The following IL5RA variants were observed in gnomAD, a reference collection of about 807,000 sequenced individuals.
IL5RA encodes the protein interleukin 5 receptor subunit alpha, also known as interleukin-5 receptor subunit alpha.
Under a neutral mutation model 50.0 loss-of-function variants are expected in IL5RA, and 49 were observed. The ratio of observed to expected loss-of-function variants is 0.98; its 90% CI spans 0.78 to 1.24. The LOEUF (loss-of-function observed/expected upper bound fraction) is 1.24. Among genes scored for constraint, IL5RA ranks in the 50% most tolerant of loss-of-function variants. The pLI is 0.00. For synonymous variants in IL5RA, 202 were observed against 174.0 expected (o/e 1.16, Z -1.26); for missense variants, 600 against 500.4 (o/e 1.20, Z -1.90).
In IL5RA at chr3:3,067,939, A is replaced by G. The variant is rs1293410486; in HGVS notation, c.*2286T>C. The G allele has an allele frequency of 2.0e-5, 3 of 152,332 alleles. No individual in the cohort carries two copies. The highest frequency in any genetic ancestry group is 2.4e-5 in the African/African-American group (1 of 41,564). 9.4% of individuals were successfully genotyped at this position (152,332 alleles called of 1,614,324 possible). A position where few individuals can be genotyped will look rare whatever the true frequency, so the allele number is the denominator to read the frequency against. On this transcript the variant is annotated 3_prime_UTR_variant, in exon 12 of 12. Transcript: ENST00000446632. ...CTCCTAAGCAGAGGCAGTTTCCACA[A>G]TGCCAACTGTCTGGGTTGTGGTTTG...
intron 9 of IL5RA, among the ~76,000 whole-genome samples, chr3:3,091,622 C>T (rs917158526): frequency 6.6e-6 from 1 of 152,126 alleles, no homozygotes; most frequent in African/African-American, 2.4e-5. Flanking sequence ...GTCCCAGCTA[C>T]ACGGGAGGCT....
intron 9 of IL5RA, among the ~76,000 whole-genome samples, chr3:3,084,940 A>C (rs1390010418): frequency 1.3e-5 from 2 of 152,254 alleles, no homozygotes; most frequent in Non-Finnish European, 2.9e-5. Flanking sequence ...ATGTATGCCT[A>C]GAAGGGTGAT....
At position 3,092,489 on chromosome 3, in the gene IL5RA, G is replaced by A. The variant is rs1019389884; in HGVS notation, c.856-127C>T. 6 of 846,820 alleles carry A rather than the reference G, an allele frequency of 7.1e-6. No homozygotes were observed. Among genetic ancestry groups the A allele is most frequent in the African/African-American group, 1.7e-5 (1 of 59,208 alleles). 52.5% of individuals were successfully genotyped at this position (846,820 alleles called of 1,614,324 possible). A position where few individuals can be genotyped will look rare whatever the true frequency, so the allele number is the denominator to read the frequency against. Reference sequence around the variant, plus strand: ...TCAGCAAGTCCTTTAAAATCAACAGGGCACACATTAATTCGTTTATGCTAG... The same window carrying A: ...TCAGCAAGTCCTTTAAAATCAACAGAGCACACATTAATTCGTTTATGCTAG... On this transcript the variant is annotated intron_variant, in intron 8 of 11. Transcript: ENST00000446632. The surrounding 1 kb of genome is among the most constrained non-coding windows in gnomAD (Gnocchi z 4.2).
At chr3:3,091,932 A>C (rs1703129405) in intron 9 of IL5RA, 7 of 1,058,528 alleles carry the variant, frequency 6.6e-6, no homozygotes, top group Non-Finnish European at 8.1e-6. Flanking sequence ...TAATTATTTC[A>C]AAATAAAAAG....
intron 8 of IL5RA, among the ~76,000 whole-genome samples, chr3:3,093,779 C>A (rs1281570249): frequency 6.6e-6 from 1 of 152,232 alleles, no homozygotes; most frequent in Non-Finnish European, 1.5e-5. Flanking sequence ...AAGATTGGGT[C>A]ACTCCATGGC....
At chr3:3,077,008 C>T (rs1484042863) in intron 9 of IL5RA, among the ~76,000 whole-genome samples, 1 of 152,032 alleles carries the variant, frequency 6.6e-6, no homozygotes, top group African/African-American at 2.4e-5. Context: ...AAAAGATAAG[C>T]CTATTGAGTA....
chr3:3,081,707 G>A (rs998993488), intron 9 of IL5RA, among the ~76,000 whole-genome samples: 2 of 152,144 alleles, frequency 1.3e-5, no homozygotes, highest in African/African-American at 2.4e-5. Flanking sequence ...TTTGATAAGC[G>A]AAGATTCTCA....
In IL5RA at chr3:3,097,926, G is replaced by A; in HGVS notation, c.653C>T (p.Ser218Phe). The change falls in exon 7 of 12, where the codon TCC becomes TTC. Residue 218 changes from serine (S) to phenylalanine (F), a missense_variant. Physicochemically the swap from Ser to Phe is radical, Grantham distance 155. Coordinates refer to ENST00000446632, the MANE Select transcript of IL5RA (RefSeq NM_175726.4). The part of the protein sequence containing the change: ...RDWLAVLVNG[S>F]SKHSAIRPFD... ...GGGCCTGATAGCAGAGTGCTTGCTG[G>A]AGCCGTTAACAAGCACCGCAAGCCA... The A allele has an allele frequency of 1.2e-6, 2 of 1,614,186 alleles. No individual in the cohort carries two copies. The highest frequency in any genetic ancestry group is 1.7e-6 in the Non-Finnish European group (2 of 1,180,034).
chr3:3,097,988 C>G lies in IL5RA; in HGVS notation c.591G>C (p.Trp197Cys), dbSNP rs1703443406. ...KDTLGRNIAC[W>C]FPRTFILSKG... ...TGCTGAGGATAAAAGTCCTGGGAAA[C>G]CAGCATGCGATATTTCTCCCCAGTG... is the stretch of plus-strand genomic sequence containing the variant. Residue 197 changes from tryptophan (W) to cysteine (C), a missense_variant, in exon 7 of 12, where the codon TGG becomes TGC. By Grantham distance (215) the Trp-to-Cys change is radical. Transcript: ENST00000446632. 1.2e-6 allele frequency: 2 copies of G among 1,614,046 alleles called. No homozygotes were observed. The highest frequency in any genetic ancestry group is 1.7e-6 in the Non-Finnish European group (2 of 1,180,034).
intron 9 of IL5RA, among the ~76,000 whole-genome samples, chr3:3,080,051 G>C (rs577307644): frequency 7.3e-5 from 11 of 150,958 alleles, no homozygotes; most frequent in South Asian, 6.3e-4. Flanking sequence ...GAAAAGAAAA[G>C]AAAACAAAAG....
chr3:3,076,967 C>A (rs779009775), intron 9 of IL5RA, among the ~76,000 whole-genome samples: 4 of 152,070 alleles, frequency 2.6e-5, no homozygotes, highest in African/African-American at 9.7e-5. Flanking sequence ...GTTTTTGGTA[C>A]GTAGTAAGGT....
rs1207929447 is a variant in IL5RA at position 3,108,530 on chromosome 3, A to C, written c.-4+20T>G. The C allele has an allele frequency of 1.3e-5, 2 of 152,238 alleles. No individual in the cohort carries two copies. The highest frequency in any genetic ancestry group is 2.9e-5 in the Non-Finnish European group (2 of 68,050). 9.4% of individuals were successfully genotyped at this position (152,238 alleles called of 1,614,324 possible). A position where few individuals can be genotyped will look rare whatever the true frequency, so the allele number is the denominator to read the frequency against. ...CACATGGTGCAATTTGTCATCTCAC[A>C]TCCATGCTCCTGGGCGTACCTGTCT... On this transcript the variant is annotated intron_variant, in intron 2 of 11. Coordinates refer to ENST00000446632, the MANE Select transcript of IL5RA (RefSeq NM_175726.4).
Position 3,110,190 on chromosome 3 carries a change from A to C in IL5RA, c.-391T>G, listed in dbSNP as rs1704116827. On this transcript the variant is annotated 5_prime_UTR_variant, in exon 1 of 12. Coordinates refer to ENST00000446632, the MANE Select transcript of IL5RA (RefSeq NM_175726.4). ...CTGAACTGGAACTCCCAACAACCAAACTGCTGTCAAACGAAAGAATCTCTC... is the reference window on the plus strand; with the variant it reads ...CTGAACTGGAACTCCCAACAACCAACCTGCTGTCAAACGAAAGAATCTCTC... The C allele has an allele frequency of 6.6e-6, 1 of 152,166 alleles. No individual in the cohort carries two copies. The highest frequency in any genetic ancestry group is 2.4e-5 in the African/African-American group (1 of 41,444). 9.4% of individuals were successfully genotyped at this position (152,166 alleles called of 1,614,324 possible).
chr3:3,090,964 T>C (rs971765169), intron 9 of IL5RA, among the ~76,000 whole-genome samples: 1 of 152,206 alleles, frequency 6.6e-6, no homozygotes. Context: ...ACTGGAAATG[T>C]GCCCCTTCAT....
intron 9 of IL5RA, among the ~76,000 whole-genome samples, chr3:3,082,387 C>T (rs947844215): frequency 1.3e-5 from 2 of 152,182 alleles, no homozygotes; most frequent in Non-Finnish European, 2.9e-5. Flanking sequence ...TGGGCACTGC[C>T]ATTTGGTTAT....
intron 7 of IL5RA, among the ~76,000 whole-genome samples, chr3:3,096,045 G>A (rs544304832): frequency 1.3e-5 from 2 of 152,148 alleles, no homozygotes; most frequent in Non-Finnish European, 2.9e-5. Context: ...TTGGGAGGCC[G>A]AGGCGGGTGG....
intron 7 of IL5RA, among the ~76,000 whole-genome samples, chr3:3,096,629 C>G (rs1703380050): frequency 6.6e-6 from 1 of 152,132 alleles, no homozygotes; most frequent in African/African-American, 2.4e-5. Flanking sequence ...TGTACTAGAT[C>G]ATATCCATTT....
chr3:3,105,857 AG>A (rs1179292723), intron 2 of IL5RA, among the ~76,000 whole-genome samples: 1 of 152,166 alleles, frequency 6.6e-6, no homozygotes, highest in East Asian at 1.9e-4. Context: ...GTAGATGAGA[AG>A]TCTTGAGTTT....
chr3:3,106,306 A>G (rs1703919077), intron 2 of IL5RA, among the ~76,000 whole-genome samples: 1 of 152,170 alleles, frequency 6.6e-6, no homozygotes, highest in South Asian at 2.1e-4. Context: ...GGCTAAATGA[A>G]TACCTCCAGG....
Sources: allele counts gnomAD v4.1 joint callset (sites outside exome capture counted in the v4.1 genomes callset), GRCh38; gene constraint gnomAD v4.1.1; non-coding constraint Gnocchi (gnomAD v3.1); transcripts MANE v1.5; gene names NCBI Gene and HGNC (gene_info 2026-07-23, HGNC 2026-07-21).